The following KHDRBS2 variants were observed in gnomAD, a reference collection of about 807,000 sequenced individuals.
KHDRBS2 encodes the protein KH RNA binding domain containing, signal transduction associated 2.
KHDRBS2 carries 26 observed loss-of-function variants against 44.3 expected under a neutral mutation model. The observed-to-expected ratio is 0.59, with a 90% CI of 0.43 to 0.81. KHDRBS2 has a LOEUF of 0.81. KHDRBS2 is among the 40% of genes least tolerant of loss of function. The pLI, the probability that KHDRBS2 is intolerant of heterozygous loss-of-function variation, is 0.00. For synonymous variants in KHDRBS2, 194 were observed against 151.1 expected (o/e 1.28, Z -2.08); for missense variants, 476 against 433.1 (o/e 1.10, Z -0.88).
At chr6:61,611,451 A>ATAAG in the KHDRBS2 span, among the ~76,000 whole-genome samples, 1 of 152,220 alleles carries the variant, frequency 6.6e-6, no homozygotes, top group South Asian at 2.1e-4. Context: ...AAAGGATAGG[A>ATAAG]TAAGTAAGTA....
chr6:61,910,828 A>G (rs551384311), intron 4 of KHDRBS2, among the ~76,000 whole-genome samples: 2 of 152,346 alleles, frequency 1.3e-5, no homozygotes, highest in Middle Eastern at 6.8e-3. Flanking sequence ...GTAATTCTGA[A>G]AGTAACAAGT....
intron 6 of KHDRBS2, among the ~76,000 whole-genome samples, chr6:61,823,962 T>C (rs969305641): frequency 1.3e-5 from 2 of 152,180 alleles, no homozygotes; most frequent in African/African-American, 4.8e-5. Context: ...CAATTCTTTT[T>C]TAATTTGGTG....
chr6:62,143,363 GTAGA>G (rs1246068499), intron 2 of KHDRBS2, among the ~76,000 whole-genome samples: 10 of 151,852 alleles, frequency 6.6e-5, no homozygotes, highest in African/African-American at 2.2e-4. Flanking sequence ...TTATATTATA[GTAGA>G]TAAACTATTT....
At position 62,229,106 on chromosome 6, in the gene KHDRBS2, G is replaced by C. The variant is rs537107938; in HGVS notation, c.92-51794C>G. 6.6e-5 allele frequency among the ~76,000 whole-genome samples: 10 copies of C among 152,282 alleles called. No homozygotes were observed. In the South Asian group the frequency reaches 1.9e-3, roughly 28 times the overall value. ...CTGAATTCCTCAGAATTAGCAGGAG[G>C]AAAGTCTAAGTCTGCTGGTTTGTGG... On this transcript the variant is annotated intron_variant, in intron 1 of 8. Coordinates refer to ENST00000281156, the MANE Select transcript of KHDRBS2 (RefSeq NM_152688.4).
chr6:61,718,838 G>A (rs1444447859), intron 7 of KHDRBS2, among the ~76,000 whole-genome samples: 1 of 152,110 alleles, frequency 6.6e-6, no homozygotes, highest in Non-Finnish European at 1.5e-5. Flanking sequence ...CTCGTCCACT[G>A]AAAATAGTTC....
chr6:62,093,238 A>C (rs1196548491), intron 2 of KHDRBS2, among the ~76,000 whole-genome samples: 1 of 151,756 alleles, frequency 6.6e-6, no homozygotes, highest in African/African-American at 2.4e-5. Context: ...AAAAAAAAAA[A>C]TTAAAAGAAG....
At chr6:61,626,254 T>C in the KHDRBS2 span, among the ~76,000 whole-genome samples, 1 of 152,198 alleles carries the variant, frequency 6.6e-6, no homozygotes, top group East Asian at 1.9e-4. Flanking sequence ...CAGAAAAAGA[T>C]AAAAAACCAT....
At chr6:61,935,699 T>A (rs1228365413) in intron 4 of KHDRBS2, among the ~76,000 whole-genome samples, 2 of 152,118 alleles carry the variant, frequency 1.3e-5, no homozygotes, top group African/African-American at 4.8e-5. Context: ...TAGGATTGAA[T>A]GAGGGTTGTG....
intron 1 of KHDRBS2, among the ~76,000 whole-genome samples, chr6:62,230,063 C>T (rs867883484): frequency 1.3e-5 from 2 of 152,146 alleles, no homozygotes; most frequent in African/African-American, 4.8e-5. Flanking sequence ...ATTGCTGTAG[C>T]GGTGGTGGGC....
At chr6:61,570,863 C>T in the KHDRBS2 span, among the ~76,000 whole-genome samples, 1 of 151,952 alleles carries the variant, frequency 6.6e-6, no homozygotes, top group Non-Finnish European at 1.5e-5. Flanking sequence ...TTCAGACAAA[C>T]AAATGCTGAA....
chr6:62,011,569 T>A (rs1780295151), intron 3 of KHDRBS2, among the ~76,000 whole-genome samples: 1 of 152,176 alleles, frequency 6.6e-6, no homozygotes, highest in Non-Finnish European at 1.5e-5. Flanking sequence ...ACCTCAAGAT[T>A]TATGTCAAAT....
intron 7 of KHDRBS2, among the ~76,000 whole-genome samples, chr6:61,725,017 A>G (rs1187486216): frequency 1.3e-5 from 2 of 152,154 alleles, no homozygotes; most frequent in Non-Finnish European, 2.9e-5. Flanking sequence ...CATTCTTCTC[A>G]TCATGACATG....
chr6:61,788,851 AT>A (rs1401268473), intron 6 of KHDRBS2, among the ~76,000 whole-genome samples: 10 of 151,220 alleles, frequency 6.6e-5, no homozygotes, highest in African/African-American at 1.2e-4. Flanking sequence ...CCTGAAAAAA[AT>A]CTATACAAAA....
chr6:62,075,360 C>T (rs562074974), intron 2 of KHDRBS2, among the ~76,000 whole-genome samples: 9 of 151,842 alleles, frequency 5.9e-5, no homozygotes, highest in Non-Finnish European at 8.8e-5. Context: ...TTTGCTGGTG[C>T]TTTGATTATG....
intron 1 of KHDRBS2, among the ~76,000 whole-genome samples, chr6:62,216,446 A>G (rs2150148915): frequency 6.6e-6 from 1 of 151,932 alleles, no homozygotes; most frequent in Non-Finnish European, 1.5e-5. Context: ...CTTATGCAAC[A>G]CACAGAAATG....
the KHDRBS2 span, among the ~76,000 whole-genome samples, chr6:61,579,607 G>A: frequency 9.9e-5 from 15 of 152,112 alleles, no homozygotes; most frequent in Non-Finnish European, 2.1e-4. Context: ...GAAACAAGCC[G>A]CAAAGTTGGC....
At chr6:61,549,489 A>G in the KHDRBS2 span, among the ~76,000 whole-genome samples, 4 of 152,200 alleles carry the variant, frequency 2.6e-5, no homozygotes, top group Non-Finnish European at 5.9e-5. Context: ...TTAATATACT[A>G]CTTCTGAGGA....
intron 3 of KHDRBS2, among the ~76,000 whole-genome samples, chr6:62,025,443 A>G (rs1783116949): frequency 6.6e-6 from 1 of 151,798 alleles, no homozygotes; most frequent in Non-Finnish European, 1.5e-5. Flanking sequence ...TACACTATTA[A>G]CTTATTTTCA....
In KHDRBS2 at chr6:62,048,121, TACACAC is replaced by T. The variant is rs58133580; in HGVS notation, c.220-133_220-128del. On this transcript the variant is annotated intron_variant, in intron 2 of 8. Transcript: ENST00000281156. ...TGAGAAGAGAGTCATGCCATAAACA[TACACAC>T]ACACACACACACACACACACACACA... 413 of 405,528 alleles carry T rather than the reference TACACAC, an allele frequency of 1.0e-3. 1 individual carries two copies. The highest frequency in any genetic ancestry group is 6.2e-3 in the South Asian group (206 of 33,276). The allele number at this position is 405,528 out of a possible 1,614,324, so 25.1% of individuals were successfully genotyped here. A position where few individuals can be genotyped will look rare whatever the true frequency, so the allele number is the denominator to read the frequency against.
Sources: allele counts gnomAD v4.1 joint callset (sites outside exome capture counted in the v4.1 genomes callset), GRCh38; gene constraint gnomAD v4.1.1; transcripts MANE v1.5; gene names NCBI Gene and HGNC (gene_info 2026-07-23, HGNC 2026-07-21).